The following CAMKMT variants were observed in gnomAD, a reference collection of about 807,000 sequenced individuals.
CAMKMT encodes the protein calmodulin-lysine N-methyltransferase, also known as CaM KMT.
A neutral mutation model predicts 48.0 loss-of-function variants in CAMKMT; 53 were observed. The observed-to-expected ratio is 1.10, with a 90% CI of 0.89 to 1.39. The LOEUF is 1.39. CAMKMT is among the 40% of genes most tolerant of loss of function. CAMKMT has a pLI of 0.00. For synonymous variants in CAMKMT, 165 were observed against 152.3 expected, an observed-to-expected ratio of 1.08 and a Z score of -0.61; for missense variants, 428 against 402.7, an observed-to-expected ratio of 1.06 and a Z score of -0.54.
At chr2:44,625,941 A>G (rs998529152) in intron 3 of CAMKMT, among the ~76,000 whole-genome samples, 35 of 152,128 alleles carry the variant, frequency 2.3e-4, no homozygotes, top group African/African-American at 7.7e-4. Flanking sequence ...CAGGTACTGT[A>G]AGTCATCTAA....
intron 3 of CAMKMT, among the ~76,000 whole-genome samples, chr2:44,694,817 A>G (rs564634829): frequency 1.8e-4 from 28 of 152,350 alleles, no homozygotes; most frequent in Admixed American, 1.8e-3. Flanking sequence ...GACCATAGAT[A>G]TGCAAGTATA....
At chr2:44,688,879 G>A (rs940603967) in intron 3 of CAMKMT, among the ~76,000 whole-genome samples, 1 of 152,148 alleles carries the variant, frequency 6.6e-6, no homozygotes, top group Non-Finnish European at 1.5e-5. Flanking sequence ...TTCTGTTCTT[G>A]CATCTGGAAC....
intron 7 of CAMKMT, among the ~76,000 whole-genome samples, chr2:44,733,402 T>TA (rs1237435197): frequency 6.6e-6 from 1 of 152,194 alleles, no homozygotes; most frequent in Non-Finnish European, 1.5e-5. Context: ...ACAATCCTAC[T>TA]AAAGTCACTT....
chr2:44,501,430 G>C (rs1670001092), intron 3 of CAMKMT, among the ~76,000 whole-genome samples: 1 of 152,100 alleles, frequency 6.6e-6, no homozygotes, highest in African/African-American at 2.4e-5. Context: ...AATTTTGAAA[G>C]GGTCTATTTT....
intron 2 of CAMKMT, among the ~76,000 whole-genome samples, chr2:44,389,966 T>G (rs1266852277): frequency 6.6e-6 from 1 of 152,206 alleles, no homozygotes; most frequent in African/African-American, 2.4e-5. Context: ...GAACTTCCCT[T>G]TACATAATGA....
rs528500754 is a variant in CAMKMT at position 44,723,653 on chromosome 2, T to A, written c.623+8300T>A. On this transcript the variant is annotated intron_variant, in intron 7 of 10. Coordinates refer to ENST00000378494, the MANE Select transcript of CAMKMT (RefSeq NM_024766.5). ...ATAAATAAATAAATAAATAAATAAA[T>A]AAAATAATAAAGTTGTTCAGATTTC... is the stretch of plus-strand genomic sequence containing the variant. 68 of 139,228 alleles carry A rather than the reference T, an allele frequency of 4.9e-4. 1 individual carries two copies. Among genetic ancestry groups the A allele is most frequent in the African/African-American group, 1.6e-3 (58 of 36,548 alleles). The allele number at this position is 139,228 out of a possible 1,614,324, so 8.6% of individuals were successfully genotyped here.
intron 7 of CAMKMT, among the ~76,000 whole-genome samples, chr2:44,742,449 T>C (rs990258383): frequency 6.6e-6 from 1 of 152,052 alleles, no homozygotes. Flanking sequence ...GGATACAGCG[T>C]AGGAATTGGG....
intron 3 of CAMKMT, among the ~76,000 whole-genome samples, chr2:44,587,398 T>C (rs1008526757): frequency 1.3e-5 from 2 of 152,176 alleles, no homozygotes; most frequent in African/African-American, 4.8e-5. Flanking sequence ...TTTTTAATGC[T>C]ATTGTAAATT....
chr2:44,706,367 C>G, intron 5 of CAMKMT, 26 bp downstream of exon 5: 2 of 1,611,264 alleles, frequency 1.2e-6, no homozygotes, highest in Non-Finnish European at 1.7e-6. Context: ...ATTCCAATCC[C>G]ATTCAGAGGG....
chr2:44,694,825 A>G (rs984474010), intron 3 of CAMKMT, among the ~76,000 whole-genome samples: 7 of 152,246 alleles, frequency 4.6e-5, no homozygotes, highest in Admixed American at 3.3e-4. Flanking sequence ...ATATGCAAGT[A>G]TAGTGTAGTA....
intron 3 of CAMKMT, among the ~76,000 whole-genome samples, chr2:44,622,250 G>C (rs570198468): frequency 6.6e-6 from 1 of 152,184 alleles, no homozygotes. Context: ...TTTATGTCTG[G>C]TGTCTTTTTA....
At chr2:44,569,884 T>C (rs1456182608) in intron 3 of CAMKMT, among the ~76,000 whole-genome samples, 3 of 152,346 alleles carry the variant, frequency 2.0e-5, no homozygotes, top group African/African-American at 7.2e-5. Context: ...TTTATTTGTG[T>C]AAGGAGTTTT....
At chr2:44,532,467 T>C (rs1168157643) in intron 3 of CAMKMT, among the ~76,000 whole-genome samples, 2 of 152,242 alleles carry the variant, frequency 1.3e-5, no homozygotes, top group Non-Finnish European at 2.9e-5. Context: ...CATTTAGACC[T>C]GTGTCACAGA....
chr2:44,485,891 C>T (rs993184409), intron 3 of CAMKMT, among the ~76,000 whole-genome samples: 1 of 152,162 alleles, frequency 6.6e-6, no homozygotes, highest in African/African-American at 2.4e-5. Flanking sequence ...AGAAAGGGAA[C>T]AAGGGAAGCT....
intron 7 of CAMKMT, among the ~76,000 whole-genome samples, chr2:44,717,145 A>T (rs994903786): frequency 6.6e-6 from 1 of 151,958 alleles, no homozygotes; most frequent in Admixed American, 6.6e-5. Flanking sequence ...TCTGTTCTCA[A>T]AAATGCTATT....
rs532248877 is a variant in CAMKMT at position 44,565,990 on chromosome 2, T to TG, written c.377-138289dup. Among the ~76,000 whole-genome samples, 1,256 of 152,320 alleles carry TG rather than the reference T, an allele frequency of 8.2e-3. 11 individuals carry two copies. The highest frequency in any genetic ancestry group is 0.012 in the Non-Finnish European group (833 of 68,030). On this transcript the variant is annotated intron_variant, in intron 3 of 10. Transcript: ENST00000378494. ...CATGTGTACGTGGCTTGTAAATCTG[T>TG]GGGGTAAATTAGATGGCGCTAAAAA...
intron 3 of CAMKMT, among the ~76,000 whole-genome samples, chr2:44,466,991 C>T (rs187249440): frequency 7.0e-4 from 107 of 152,312 alleles, no homozygotes; most frequent in African/African-American, 2.4e-3. Flanking sequence ...TGGCTCACAC[C>T]TGTAATCCCA....
intron 3 of CAMKMT, among the ~76,000 whole-genome samples, chr2:44,459,334 G>A (rs1261332716): frequency 6.6e-6 from 1 of 152,072 alleles, no homozygotes; most frequent in Non-Finnish European, 1.5e-5. Flanking sequence ...CCATTACAGG[G>A]TTTATACACA....
At chr2:44,552,212 A>G (rs560877894) in intron 3 of CAMKMT, among the ~76,000 whole-genome samples, 1 of 152,206 alleles carries the variant, frequency 6.6e-6, no homozygotes, top group Admixed American at 6.5e-5. Flanking sequence ...CCCGTTTGTG[A>G]GTGAGAACAC....
Sources: gnomAD v4.1 joint callset for allele counts (sites outside exome capture counted in the v4.1 genomes callset) on GRCh38, gnomAD v4.1.1 for gene constraint, MANE v1.5 for transcripts, NCBI Gene and HGNC (gene_info 2026-07-23, HGNC 2026-07-21) for gene names.